Variants in FHIT observed in about 807,000 individuals in gnomAD.
FHIT encodes the protein fragile histidine triad diadenosine triphosphatase.
Under a neutral mutation model 17.9 loss-of-function variants are expected in FHIT, and 19 were observed. That is an observed-to-expected ratio of 1.06 (90% CI 0.74 to 1.56). The LOEUF is 1.56. Among genes scored for constraint, FHIT ranks in the 40% most tolerant of loss-of-function variants. The pLI is 0.00. For synonymous variants in FHIT, 81 were observed against 69.7 expected (o/e 1.16, Z -0.81); for missense variants, 248 against 189.2 (o/e 1.31, Z -1.82).
chr3:60,147,181 G>A (rs1393608658), intron 5 of FHIT, among the ~76,000 whole-genome samples: 1 of 152,120 alleles, frequency 6.6e-6, no homozygotes, highest in Non-Finnish European at 1.5e-5. Flanking sequence ...ATCCAACCAG[G>A]AGGAAAAAGC....
chr3:59,828,572 C>A (rs1191863922), intron 8 of FHIT, among the ~76,000 whole-genome samples: 1 of 152,184 alleles, frequency 6.6e-6, no homozygotes, highest in African/African-American at 2.4e-5. Flanking sequence ...CCCAGAAAGA[C>A]GCTAGATACA....
chr3:60,333,871 C>A (rs1710109778), intron 5 of FHIT, among the ~76,000 whole-genome samples: 1 of 152,164 alleles, frequency 6.6e-6, no homozygotes, highest in Non-Finnish European at 1.5e-5. Context: ...GATGTCAGAT[C>A]CCTCACCCAT....
rs143171606 is a variant in FHIT, at chr3:60,994,680, C to T, written c.-111+47367G>A. Among the ~76,000 whole-genome samples the T allele has an allele frequency of 2.6e-3, 402 of 152,226 alleles. 4 individuals carry two copies. The highest frequency in any genetic ancestry group is 8.9e-3 in the African/African-American group (371 of 41,530). ...GATGTTGAACCTGGAGCGGAAGGGA[C>T]ATTGAGACCAAAATGTCCATTGGGC... On this transcript the variant is annotated intron_variant, in intron 3 of 9. Coordinates refer to ENST00000492590, the MANE Select transcript of FHIT (RefSeq NM_002012.4).
At chr3:60,043,652 T>A (rs4124061) in intron 5 of FHIT, among the ~76,000 whole-genome samples, 9,552 of 145,284 alleles carry the variant, frequency 0.066, 350 homozygotes, top group Middle Eastern at 0.15. Context: ...GTACACATAT[T>A]CTGTGCATGT....
At chr3:60,523,420 A>C (rs1251537863) in intron 5 of FHIT, among the ~76,000 whole-genome samples, 2 of 152,132 alleles carry the variant, frequency 1.3e-5, no homozygotes, top group African/African-American at 4.8e-5. Context: ...AAACAAACTA[A>C]AATTGTCTAA....
chr3:60,403,167 G>A (rs6783454), intron 5 of FHIT, among the ~76,000 whole-genome samples: 31,339 of 152,134 alleles, frequency 0.21, 3,928 homozygotes, highest in East Asian at 0.46. Context: ...AGAAAAAGCA[G>A]CATTGAAATA....
At chr3:61,197,354 T>C (rs2038881146) in intron 2 of FHIT, among the ~76,000 whole-genome samples, 1 of 152,164 alleles carries the variant, frequency 6.6e-6, no homozygotes. Flanking sequence ...AGCTAGCAAA[T>C]GGCAGAGCCA....
chr3:60,223,743 C>T lies in FHIT; in HGVS notation c.104-209591G>A, dbSNP rs374045001. Among the ~76,000 whole-genome samples the T allele has an allele frequency of 3.2e-4, 49 of 152,284 alleles. No individual in the cohort carries two copies. The East Asian group carries it at 8.5e-3, about 26-fold the overall frequency. On this transcript the variant is annotated intron_variant, in intron 5 of 9. Coordinates refer to ENST00000492590, the MANE Select transcript of FHIT (RefSeq NM_002012.4). ...ACAGGTGCTAATTGCTTTCTTAGCA[C>T]CACTGGTTATTCTCTGAACCTTTGG...
At chr3:61,022,833 T>C (rs1325043774) in intron 3 of FHIT, among the ~76,000 whole-genome samples, 1 of 152,182 alleles carries the variant, frequency 6.6e-6, no homozygotes. Flanking sequence ...TAGGTATTGA[T>C]GGAACAGATC....
intron 5 of FHIT, among the ~76,000 whole-genome samples, chr3:60,278,296 G>T (rs1190306818): frequency 1.3e-5 from 2 of 152,182 alleles, no homozygotes; most frequent in African/African-American, 2.4e-5. Context: ...ATTGTTCTCT[G>T]TAAGAAAGAC....
At chr3:60,184,876 T>C (rs1242019316) in intron 5 of FHIT, among the ~76,000 whole-genome samples, 1 of 152,212 alleles carries the variant, frequency 6.6e-6, no homozygotes, top group Non-Finnish European at 1.5e-5. Flanking sequence ...TTCAATAGTG[T>C]TTATTCTGCT....
chr3:60,393,093 C>G (rs563104709), intron 5 of FHIT, among the ~76,000 whole-genome samples: 1 of 152,120 alleles, frequency 6.6e-6, no homozygotes, highest in East Asian at 1.9e-4. Context: ...CCGATTTGGC[C>G]CCTTCTGACT....
chr3:61,098,510 A>G (rs1014770136), intron 2 of FHIT, among the ~76,000 whole-genome samples: 3 of 152,212 alleles, frequency 2.0e-5, no homozygotes, highest in Non-Finnish European at 2.9e-5. Context: ...ATTAATAGGA[A>G]TAACACTGAA....
chr3:60,073,548 T>C (rs899315935), intron 5 of FHIT, among the ~76,000 whole-genome samples: 2 of 152,148 alleles, frequency 1.3e-5, no homozygotes, highest in African/African-American at 4.8e-5. Context: ...CTGCCCTTTA[T>C]GTCTTCAAAA....
intron 5 of FHIT, among the ~76,000 whole-genome samples, chr3:60,424,469 TCTCCA>T (rs1251476903): frequency 1.3e-5 from 2 of 152,128 alleles, no homozygotes; most frequent in African/African-American, 4.8e-5. Context: ...CAGAAATGCA[TCTCCA>T]CTCTGTCCTG....
At chr3:61,201,866 T>C (rs916294002) in intron 1 of FHIT, among the ~76,000 whole-genome samples, 5 of 152,236 alleles carry the variant, frequency 3.3e-5, no homozygotes, top group Middle Eastern at 3.4e-3. Flanking sequence ...AACATGGAGA[T>C]TGAGCTGAAT....
intron 4 of FHIT, among the ~76,000 whole-genome samples, chr3:60,561,508 A>G (rs1012020320): frequency 6.6e-6 from 1 of 152,094 alleles, no homozygotes; most frequent in African/African-American, 2.4e-5. Flanking sequence ...CACCTCAATC[A>G]AGGATGTCAA....
At chr3:60,512,219 G>A (rs1444748579) in intron 5 of FHIT, among the ~76,000 whole-genome samples, 1 of 152,168 alleles carries the variant, frequency 6.6e-6, no homozygotes. Flanking sequence ...CTGATATGTA[G>A]CCATGGTAAT....
chr3:60,289,830 C>G (rs992689711), intron 5 of FHIT, among the ~76,000 whole-genome samples: 1 of 206 alleles, frequency 4.9e-3, no homozygotes, highest in Non-Finnish European at 0.012. Context: ...TACACGGAAC[C>G]ATTCAGCAGA....
Sources: gnomAD v4.1 joint callset for allele counts (sites outside exome capture counted in the v4.1 genomes callset) on GRCh38, gnomAD v4.1.1 for gene constraint, MANE v1.5 for transcripts, NCBI Gene and HGNC (gene_info 2026-07-23, HGNC 2026-07-21) for gene names.